The following ZNF410 variants were observed in gnomAD, a reference collection of about 807,000 sequenced individuals.
ZNF410 encodes the protein zinc finger protein 410.
ZNF410 carries 18 observed loss-of-function variants against 54.8 expected under a neutral mutation model. The ratio of observed to expected loss-of-function variants is 0.33; its 90% CI spans 0.23 to 0.49. The LOEUF (loss-of-function observed/expected upper bound fraction) is 0.49. Ranked by LOEUF, ZNF410 falls within the 20% of genes least tolerant of loss-of-function variation. The pLI is 0.99. For missense variants in ZNF410, 405 were observed against 569.6 expected (o/e 0.71, Z 2.94); for synonymous variants, 191 against 207.3 (o/e 0.92, Z 0.68).
Position 73,893,930 on chromosome 14 carries a change from C to A in ZNF410, c.167C>A (p.Pro56Gln). 6.2e-7 allele frequency: 1 copy of A among 1,607,292 alleles called. No individual in the cohort carries two copies. Among genetic ancestry groups the A allele is most frequent in the Non-Finnish European group, 8.5e-7 (1 of 1,178,022 alleles). ...EASECSRLMLPDDTTNHSNSS... is the reference protein window; with the variant it reads ...EASECSRLMLQDDTTNHSNSS... ...TCAGAATGCAGTCGGCTAATGTTAC[C>A]AGGTAAAAATTAAGATCACTAGAAA... The change falls in exon 3 of 12, where the codon CCA becomes CAA. Residue 56 changes from proline (P) to glutamine (Q), a missense_variant and splice_region_variant. Pro to Gln is a moderately conservative substitution (Grantham distance 76). Transcript: ENST00000555044.
chr14:73,894,734 A>G (rs1171493716), intron 3 of ZNF410, among the ~76,000 whole-genome samples: 3 of 152,146 alleles, frequency 2.0e-5, no homozygotes, highest in East Asian at 1.9e-4. Context: ...GCCTATCAAT[A>G]CATACTTTCT....
chr14:73,909,275 GAA>G, intron 7 of ZNF410, 64 bp from the exon 8 acceptor site: 1 of 1,374,334 alleles, frequency 7.3e-7, no homozygotes, highest in African/African-American at 1.4e-5. Context: ...AAGTTGGTGG[GAA>G]AAGAGAGTAA....
intron 1 of ZNF410, among the ~76,000 whole-genome samples, chr14:73,889,795 GTT>G (rs36076151): frequency 2.5e-5 from 3 of 119,960 alleles, no homozygotes; most frequent in Non-Finnish European, 5.3e-5. Context: ...TAAATGGTTA[GTT>G]TTTTTTTTTT....
intron 11 of ZNF410, among the ~76,000 whole-genome samples, chr14:73,930,650 T>A (rs2055897890): frequency 6.6e-6 from 1 of 152,142 alleles, no homozygotes; most frequent in African/African-American, 2.4e-5. Context: ...CAGGCTGGAG[T>A]GCAGTGCAGT....
At chr14:73,918,808 T>C (rs55940654) in intron 8 of ZNF410, among the ~76,000 whole-genome samples, 74,797 of 148,030 alleles carry the variant, frequency 0.51, 18,950 homozygotes, top group South Asian at 0.61. Context: ...ACGCCATTCT[T>C]CTGCCTCAGC....
At chr14:73,910,801 G>GAA (rs2055564632) in intron 8 of ZNF410, among the ~76,000 whole-genome samples, 1 of 147,058 alleles carries the variant, frequency 6.8e-6, no homozygotes, top group African/African-American at 2.5e-5. Flanking sequence ...GGTTGAGGCT[G>GAA]CAGTGAGTTG....
At chr14:73,905,452 C>T (rs1355391070) in intron 7 of ZNF410, 1 of 168,572 alleles carries the variant, frequency 5.9e-6, no homozygotes, top group Non-Finnish European at 1.3e-5. Context: ...TCACACAAAC[C>T]ATACAGAACC....
chr14:73,898,298 G>A (rs1405338336), intron 5 of ZNF410, 36 bp downstream of exon 5: 1 of 1,609,806 alleles, frequency 6.2e-7, no homozygotes, highest in East Asian at 2.2e-5. Context: ...CCACTATTCT[G>A]TGCAAAGAGA....
intron 5 of ZNF410, chr14:73,903,675 T>C (rs111475873): frequency 8.7e-6 from 3 of 343,822 alleles, no homozygotes; most frequent in African/African-American, 4.2e-5. Context: ...TGTTTGTTTG[T>C]GTTTTGTAAA....
Position 73,903,254 on chromosome 14 carries a change from C to A in ZNF410, c.581-706C>A, listed in dbSNP as rs149097374. Among the ~76,000 whole-genome samples the A allele has an allele frequency of 7.9e-5, 12 of 152,218 alleles. No homozygotes were observed. The East Asian group carries it at 2.3e-3, about 29-fold the overall frequency. ...AGCAAAATACAGAGTTTTTATTACT[C>A]AGAACTTTGTCATCTTTGTAGCACC... On this transcript the variant is annotated intron_variant, in intron 5 of 11. Transcript: ENST00000555044.
rs143038209 is a variant in ZNF410 at position 73,932,098 on chromosome 14, T to C, written c.*557T>C. 6.6e-6 allele frequency: 3 copies of C among 451,316 alleles called. No homozygotes were observed. Among genetic ancestry groups the C allele is most frequent in the East Asian group, 1.4e-4 (2 of 14,314 alleles). 28.0% of individuals were successfully genotyped at this position (451,316 alleles called of 1,614,324 possible). ...AAAAATAAATTACTTGAATCTCCCC[T>C]TGGCCCAGGCTGAGGTACTATCTTG... On this transcript the variant is annotated 3_prime_UTR_variant, in exon 12 of 12. Transcript: ENST00000555044.
intron 8 of ZNF410, chr14:73,913,165 G>A (rs72627132): frequency 0.068 from 10,338 of 152,172 alleles, 876 homozygotes; most frequent in East Asian, 0.44. Flanking sequence ...CTGGGAACAA[G>A]TGATCTTCCC....
chr14:73,918,050 C>T (rs1295901239), intron 8 of ZNF410, among the ~76,000 whole-genome samples: 3 of 152,074 alleles, frequency 2.0e-5, no homozygotes, highest in African/African-American at 7.2e-5. Context: ...AACGTAAATG[C>T]TATGTGAATA....
intron 5 of ZNF410, among the ~76,000 whole-genome samples, chr14:73,902,853 C>G (rs979473825): frequency 4.6e-5 from 7 of 152,188 alleles, no homozygotes; most frequent in African/African-American, 1.7e-4. Flanking sequence ...TTGTACTCCT[C>G]TCCTCACCTC....
intron 1 of ZNF410, 56 bp downstream of exon 1, chr14:73,886,971 G>C (rs545990105): frequency 2.4e-4 from 36 of 152,834 alleles, no homozygotes; most frequent in African/African-American, 7.7e-4. Context: ...ACCCGAGAGG[G>C]CGGGGGCCAG....
In ZNF410 at chr14:73,898,078, C is replaced by A; in HGVS notation, c.396C>A (p.Gly132=). The change falls in exon 5 of 12, where the codon GGC becomes GGA. Residue 132 remains glycine, a synonymous_variant. Transcript: ENST00000555044. ...ATATTTTGTTTCTTCCAGGTCTGGG[C>A]TCTTCAGCTGAGCACTTAGTGTTTG... ...ILLNLTRAGL[G]SSAEHLVFVQ... 6.2e-7 allele frequency: 1 copy of A among 1,612,340 alleles called. No individual in the cohort carries two copies. Among genetic ancestry groups the A allele is most frequent in the African/African-American group, 1.3e-5 (1 of 74,826 alleles).
At chr14:73,891,789 C>A in intron 1 of ZNF410, 1 of 530,552 alleles carries the variant, frequency 1.9e-6, no homozygotes, top group Non-Finnish European at 3.3e-6. Context: ...ATAGCTCTAT[C>A]CATATTTAAG....
At chr14:73,894,348 G>A in intron 3 of ZNF410, 2 of 702,352 alleles carry the variant, frequency 2.8e-6, no homozygotes, top group South Asian at 3.0e-5. Context: ...CTCCATTATT[G>A]ACTTTGGCAG....
chr14:73,932,024 T>G lies in ZNF410; in HGVS notation c.*483T>G. The G allele has an allele frequency of 2.2e-6, 1 of 456,508 alleles. No individual in the cohort carries two copies. Among genetic ancestry groups the G allele is most frequent in the Non-Finnish European group, 4.4e-6 (1 of 226,794 alleles). The allele number at this position is 456,508 out of a possible 1,614,324, so 28.3% of individuals were successfully genotyped here. ...GAGTGATGTCAATTCTCTTGTTACA[T>G]TCTCCCTTTAGCAACCTGAGTAAGA... On this transcript the variant is annotated 3_prime_UTR_variant, in exon 12 of 12. Transcript: ENST00000555044.
Sources: gnomAD v4.1 joint callset for allele counts (sites outside exome capture counted in the v4.1 genomes callset) on GRCh38, gnomAD v4.1.1 for gene constraint, MANE v1.5 for transcripts, NCBI Gene and HGNC (gene_info 2026-07-23, HGNC 2026-07-21) for gene names.